Variants in WDR41 observed in about 807,000 individuals in gnomAD.
WDR41 encodes the protein WD repeat-containing protein 41.
Under a neutral mutation model 69.3 loss-of-function variants are expected in WDR41, and 63 were observed. The observed-to-expected ratio is 0.91, with a 90% CI of 0.74 to 1.12. WDR41 has a LOEUF of 1.12. Ranked by LOEUF, WDR41 falls within the 50% of genes most tolerant of loss-of-function variation. The pLI, the probability that WDR41 is intolerant of heterozygous loss-of-function variation, is 0.00. For missense variants in WDR41, 543 were observed against 534.5 expected (o/e 1.02, Z -0.16); for synonymous variants, 185 against 192.1 (o/e 0.96, Z 0.31).
chr5:77,568,168 G>A (rs1173084340), intron 1 of WDR41, among the ~76,000 whole-genome samples: 1 of 152,162 alleles, frequency 6.6e-6, no homozygotes, highest in African/African-American at 2.4e-5. Flanking sequence ...TTTAAGGGCA[G>A]TATCAGGCTT....
At chr5:77,496,828 T>C (rs1801942240), upstream of WDR41, among the ~76,000 whole-genome samples, 1 of 151,992 alleles carries the variant, frequency 6.6e-6, no homozygotes, top group Non-Finnish European at 1.5e-5. Flanking sequence ...GAAAATAAGG[T>C]TGGAGGACTC....
At chr5:77,518,604 C>T (rs993153528) in intron 1 of WDR41, among the ~76,000 whole-genome samples, 1 of 151,942 alleles carries the variant, frequency 6.6e-6, no homozygotes. Context: ...CAAGAAATTC[C>T]GCTTACTCCA....
At chr5:77,527,637 TA>T (rs945303322) in intron 1 of WDR41, among the ~76,000 whole-genome samples, 14 of 151,980 alleles carry the variant, frequency 9.2e-5, no homozygotes, top group Admixed American at 7.2e-4. Flanking sequence ...GCCCCAAAAC[TA>T]AAATGCATAT....
intron 1 of WDR41, among the ~76,000 whole-genome samples, chr5:77,547,228 C>A (rs1279598965): frequency 6.6e-6 from 1 of 152,036 alleles, no homozygotes; most frequent in Admixed American, 6.5e-5. Flanking sequence ...GGGATGCCCA[C>A]TCTCACTACT....
At chr5:77,546,464 A>G (rs1743201500) in intron 1 of WDR41, among the ~76,000 whole-genome samples, 1 of 152,154 alleles carries the variant, frequency 6.6e-6, no homozygotes, top group African/African-American at 2.4e-5. Context: ...CAGAAATACA[A>G]AAGATGACTC....
At chr5:77,473,792 A>G (rs956164159) in intron 2 of WDR41, among the ~76,000 whole-genome samples, 1 of 152,170 alleles carries the variant, frequency 6.6e-6, no homozygotes, top group Non-Finnish European at 1.5e-5. Flanking sequence ...AAGTCAGGAA[A>G]CAACAGATGC....
At chr5:77,597,463 T>C (rs1386606042) in intron 1 of WDR41, among the ~76,000 whole-genome samples, 1 of 152,218 alleles carries the variant, frequency 6.6e-6, no homozygotes, top group Non-Finnish European at 1.5e-5. Context: ...CCTCAGTAAG[T>C]AGTTTCATCA....
chr5:77,539,367 T>A (rs1743047199), intron 1 of WDR41, among the ~76,000 whole-genome samples: 1 of 152,208 alleles, frequency 6.6e-6, no homozygotes, highest in South Asian at 2.1e-4. Flanking sequence ...CTGTTTTGGA[T>A]CATGCTTCTT....
At chr5:77,614,296 G>T (rs1744629048) in intron 1 of WDR41, among the ~76,000 whole-genome samples, 1 of 151,536 alleles carries the variant, frequency 6.6e-6, no homozygotes, top group Non-Finnish European at 1.5e-5. Context: ...CCATTACTGG[G>T]TATATACCCA....
rs1355914294 is a variant in WDR41 at position 77,432,104 on chromosome 5, T to TA, written c.*1030_*1031insT. 6.6e-6 allele frequency: 1 copy of TA among 152,214 alleles called. No individual in the cohort carries two copies. The highest frequency in any genetic ancestry group is 1.5e-5 in the Non-Finnish European group (1 of 68,042). 9.4% of individuals were successfully genotyped at this position (152,214 alleles called of 1,614,324 possible). A position where few individuals can be genotyped will look rare whatever the true frequency, so the allele number is the denominator to read the frequency against. On this transcript the variant is annotated 3_prime_UTR_variant, in exon 13 of 13. Transcript: ENST00000296679. The stretch of plus-strand genomic sequence containing the variant: ...GTAAAAGAACTTATGGAGATTCCCT[T>TA]TAGGGTATATTTGTAGTATATTTGT...
At position 77,616,119 on chromosome 5, in the gene WDR41, G is replaced by A. The variant is rs539880852; in HGVS notation, c.42+4360C>T. ...TCAAAACTTTATATAAACCCACTCTGTCTTTTTTTTTTTTAGGTGGGGGAA... is the reference window on the plus strand; with the variant it reads ...TCAAAACTTTATATAAACCCACTCTATCTTTTTTTTTTTTAGGTGGGGGAA... On this transcript the variant is annotated intron_variant, in intron 1 of 5. Coordinates refer to the WDR41 transcript ENST00000509971. 1.2e-4 allele frequency among the ~76,000 whole-genome samples: 18 copies of A among 151,054 alleles called. 1 individual carries two copies. The East Asian group carries it at 3.1e-3, about 26-fold the overall frequency.
At chr5:77,529,886 C>A (rs575011174) in intron 1 of WDR41, among the ~76,000 whole-genome samples, 2 of 151,648 alleles carry the variant, frequency 1.3e-5, no homozygotes, top group South Asian at 4.1e-4. Context: ...GATTTGTAGA[C>A]CTAAGCACAA....
chr5:77,439,842 AAAATAGATAAT>A (rs1638281771), intron 9 of WDR41, among the ~76,000 whole-genome samples: 1 of 152,226 alleles, frequency 6.6e-6, no homozygotes, highest in African/African-American at 2.4e-5. Flanking sequence ...TGTAACATTT[AAAATAGATAAT>A]TTGTAGGGCT....
chr5:77,435,770 A>G (rs1300791071), intron 12 of WDR41, among the ~76,000 whole-genome samples: 1 of 152,248 alleles, frequency 6.6e-6, no homozygotes, highest in African/African-American at 2.4e-5. Flanking sequence ...ATAATTTTCA[A>G]CTAAAACTTT....
In WDR41 at chr5:77,432,169, G is replaced by A. The variant is rs1798748458; in HGVS notation, c.*966C>T. On this transcript the variant is annotated 3_prime_UTR_variant, in exon 13 of 13. Transcript: ENST00000296679. ...AATCTGTAGGTTTTCTGTAAGAAGG[G>A]TCAGTCTGCTAACATCTGTCACGTT... The A allele has an allele frequency of 1.3e-5, 2 of 152,174 alleles. No homozygotes were observed. The highest frequency in any genetic ancestry group is 2.4e-5 in the African/African-American group (1 of 41,440). The allele number at this position is 152,174 out of a possible 1,614,324, so 9.4% of individuals were successfully genotyped here.
chr5:77,596,743 T>G (rs990047416), intron 1 of WDR41, among the ~76,000 whole-genome samples: 2 of 152,146 alleles, frequency 1.3e-5, no homozygotes, highest in African/African-American at 4.8e-5. Context: ...CATGAGCAGT[T>G]TCATCTACCA....
intron 2 of WDR41, among the ~76,000 whole-genome samples, chr5:77,475,134 G>T (rs1800846338): frequency 6.6e-6 from 1 of 152,206 alleles, no homozygotes; most frequent in Non-Finnish European, 1.5e-5. Flanking sequence ...CGCACCAGGA[G>T]ATTATATCCT....
At chr5:77,521,992 G>A (rs1802377152) in intron 1 of WDR41, among the ~76,000 whole-genome samples, 1 of 152,162 alleles carries the variant, frequency 6.6e-6, no homozygotes. Flanking sequence ...GCTTAGTAAT[G>A]GGATGAATCA....
chr5:77,612,271 A>G (rs1335255890), intron 1 of WDR41, among the ~76,000 whole-genome samples: 1 of 152,230 alleles, frequency 6.6e-6, no homozygotes, highest in Non-Finnish European at 1.5e-5. Context: ...AAAAAGAGGG[A>G]ATCCTTCCTA....
Sources: gnomAD v4.1 joint callset for allele counts (sites outside exome capture counted in the v4.1 genomes callset) on GRCh38, gnomAD v4.1.1 for gene constraint, MANE v1.5 for transcripts, NCBI Gene and HGNC (gene_info 2026-07-23, HGNC 2026-07-21) for gene names.